The following SAMTOR variants were observed in gnomAD, a reference collection of about 807,000 sequenced individuals.
SAMTOR encodes S-adenosylmethionine sensor upstream of mTORC1.
chr7:112,857,451 T>C, the SAMTOR span, among the ~76,000 whole-genome samples: 1 of 152,078 alleles, frequency 6.6e-6, no homozygotes, highest in African/African-American at 2.4e-5. Flanking sequence ...TGAATAAAAA[T>C]ATAAACAAAC....
chr7:112,894,587 T>C, the SAMTOR span, among the ~76,000 whole-genome samples: 44 of 152,212 alleles, frequency 2.9e-4, no homozygotes, highest in Middle Eastern at 3.4e-3. Flanking sequence ...ATATCTTACT[T>C]ACATGGTGGC....
chr7:112,839,817 T>C, the SAMTOR span, among the ~76,000 whole-genome samples: 1 of 151,844 alleles, frequency 6.6e-6, no homozygotes, highest in Admixed American at 6.6e-5. Context: ...ACGATACTAT[T>C]AGGCACAAAT....
At chr7:112,877,508 C>CA in the SAMTOR span, among the ~76,000 whole-genome samples, 4 of 152,058 alleles carry the variant, frequency 2.6e-5, no homozygotes, top group Non-Finnish European at 5.9e-5. Flanking sequence ...TTGAAAATAG[C>CA]AATGATAAAA....
the SAMTOR span, among the ~76,000 whole-genome samples, chr7:112,937,514 GTAT>G: frequency 6.6e-6 from 1 of 151,630 alleles, no homozygotes; most frequent in Non-Finnish European, 1.5e-5. Flanking sequence ...TATTTCCTTA[GTAT>G]TATTATGTGC....
At chr7:112,836,043 G>A in the SAMTOR span, among the ~76,000 whole-genome samples, 1 of 152,096 alleles carries the variant, frequency 6.6e-6, no homozygotes, top group Admixed American at 6.6e-5. Flanking sequence ...TTTGTTTTAA[G>A]TTCTTTGAGG....
At chr7:112,866,696 C>T in the SAMTOR span, among the ~76,000 whole-genome samples, 1 of 152,212 alleles carries the variant, frequency 6.6e-6, no homozygotes, top group Non-Finnish European at 1.5e-5. Context: ...GCAGCTGCCC[C>T]ATAAACTTCA....
At chr7:112,896,984 C>G in the SAMTOR span, among the ~76,000 whole-genome samples, 1 of 152,174 alleles carries the variant, frequency 6.6e-6, no homozygotes, top group African/African-American at 2.4e-5. Flanking sequence ...AAGTACTGGG[C>G]AGAAGATGAG....
At chr7:112,932,075 G>A in the SAMTOR span, among the ~76,000 whole-genome samples, 39 of 152,050 alleles carry the variant, frequency 2.6e-4, no homozygotes, top group Non-Finnish European at 3.4e-4. Flanking sequence ...ACAGGCACAT[G>A]CCACCACACC....
the SAMTOR span, among the ~76,000 whole-genome samples, chr7:112,872,429 T>C: frequency 0.052 from 7,895 of 151,908 alleles, 516 homozygotes; most frequent in African/African-American, 0.16. Context: ...TCCTTCATGA[T>C]AAAAATCCTC....
chr7:112,917,270 T>G, the SAMTOR span, among the ~76,000 whole-genome samples: 1 of 152,098 alleles, frequency 6.6e-6, no homozygotes, highest in Admixed American at 6.5e-5. Context: ...AGAGGAACGA[T>G]CAGACAGCAG....
the SAMTOR span, among the ~76,000 whole-genome samples, chr7:112,921,175 C>G: frequency 6.6e-6 from 1 of 152,196 alleles, no homozygotes; most frequent in South Asian, 2.1e-4. Flanking sequence ...CTGGAGGCAT[C>G]ACGCTACCTG....
chr7:112,864,311 A>G, the SAMTOR span, among the ~76,000 whole-genome samples: 134 of 152,278 alleles, frequency 8.8e-4, no homozygotes, highest in Middle Eastern at 0.014. Context: ...GTGATGAAAT[A>G]ATCTGTACAA....
At chr7:112,857,833 C>T in the SAMTOR span, among the ~76,000 whole-genome samples, 28 of 152,184 alleles carry the variant, frequency 1.8e-4, no homozygotes, top group Non-Finnish European at 3.2e-4. Context: ...CACACATACC[C>T]TGAACCTGTA....
the SAMTOR span, among the ~76,000 whole-genome samples, chr7:112,933,331 G>A: frequency 8.5e-5 from 13 of 152,284 alleles, no homozygotes; most frequent in East Asian, 2.5e-3. Context: ...TGTGACAAAT[G>A]TGCCTGACTT....
the SAMTOR span, chr7:112,822,098 C>G: frequency 1.5e-5 from 25 of 1,613,584 alleles, no homozygotes; most frequent in Non-Finnish European, 3.4e-6. Flanking sequence ...TTTTCATCAT[C>G]ATAGCATGAC....
the SAMTOR span, among the ~76,000 whole-genome samples, chr7:112,848,806 T>C: frequency 6.6e-6 from 1 of 152,160 alleles, no homozygotes; most frequent in South Asian, 2.1e-4. Flanking sequence ...AATTCTCCAA[T>C]GCGGGAGGCC....
the SAMTOR span, among the ~76,000 whole-genome samples, chr7:112,874,009 T>A: frequency 6.6e-6 from 1 of 152,076 alleles, no homozygotes; most frequent in Admixed American, 6.6e-5. Flanking sequence ...AGACACCGTC[T>A]CATATCAGTC....
At chr7:112,902,443 A>AAAAAAAAAAAAAAAAAAAAAAC in the SAMTOR span, among the ~76,000 whole-genome samples, 2 of 134,548 alleles carry the variant, frequency 1.5e-5, 1 homozygote, top group African/African-American at 5.7e-5. Context: ...AAAAAACAAA[A>AAAAAAAAAAAAAAAAAAAAAAC]AAAAACAAAA....
chr7:112,937,687 G>A, the SAMTOR span, among the ~76,000 whole-genome samples: 4 of 150,122 alleles, frequency 2.7e-5, 1 homozygote, highest in East Asian at 7.8e-4. Flanking sequence ...CTAGATCACC[G>A]GTGAAATTCA....
Sources: gnomAD v4.1 joint callset for allele counts (sites outside exome capture counted in the v4.1 genomes callset) on GRCh38, gnomAD v4.1.1 for gene constraint, MANE v1.5 for transcripts, NCBI Gene and HGNC (gene_info 2026-07-23, HGNC 2026-07-21) for gene names.